HS2ST1: variants seen among roughly 807,000 people sequenced by gnomAD.
The protein encoded by HS2ST1 is heparan sulfate 2-O-sulfotransferase 1.
A neutral mutation model predicts 42.9 loss-of-function variants in HS2ST1; 18 were observed. The observed-to-expected ratio is 0.42, with a 90% CI of 0.29 to 0.62. HS2ST1 has a LOEUF of 0.62. HS2ST1 is among the 20% of genes least tolerant of loss of function. The pLI is 0.21. For synonymous variants in HS2ST1, 146 were observed against 152.9 expected (o/e 0.95, Z 0.33); for missense variants, 334 against 433.8 (o/e 0.77, Z 2.04).
At chr1:87,045,485 A>C (rs1437179619) in intron 1 of HS2ST1, 2 of 997,338 alleles carry the variant, frequency 2.0e-6, no homozygotes, top group Non-Finnish European at 3.2e-6. Context: ...CACTTTATGG[A>C]CATTCAGCCG....
chr1:87,073,947 A>G (rs995551512), intron 2 of HS2ST1, among the ~76,000 whole-genome samples: 1 of 152,208 alleles, frequency 6.6e-6, no homozygotes, highest in Non-Finnish European at 1.5e-5. Flanking sequence ...TTAGAAAGAT[A>G]TTTGTGATGG....
At position 86,948,283 on chromosome 1, in the gene HS2ST1, G is replaced by A. The variant is rs184294997; in HGVS notation, c.124+33123G>A. Among the ~76,000 whole-genome samples the A allele has an allele frequency of 2.6e-4, 39 of 152,218 alleles. No homozygotes were observed. The East Asian group carries it at 6.6e-3, about 26-fold the overall frequency. ...TGCTGGGGCTTTTTTCATTAGTTAC[G>A]TTTATTTGTATAGAGACTAGGTCTT... is the stretch of plus-strand genomic sequence containing the variant. On this transcript the variant is annotated intron_variant, in intron 1 of 6. Transcript: ENST00000370550.
chr1:87,019,299 G>T (rs932377855), intron 1 of HS2ST1, among the ~76,000 whole-genome samples: 1 of 152,146 alleles, frequency 6.6e-6, no homozygotes, highest in Admixed American at 6.5e-5. Flanking sequence ...AGTTCAAACG[G>T]TATTCCTTAA....
chr1:87,015,765 A>G (rs1649736666), intron 1 of HS2ST1, among the ~76,000 whole-genome samples: 2 of 152,296 alleles, frequency 1.3e-5, no homozygotes, highest in African/African-American at 4.8e-5. Context: ...TTTCTACCAT[A>G]GAATTGAAAA....
In HS2ST1 at chr1:87,097,690, CTG is replaced by C. The variant is rs1410899135; in HGVS notation, c.589-145_589-144del. On this transcript the variant is annotated intron_variant, in intron 4 of 6. Transcript: ENST00000370550. ...TAAAGGTGTGAGCCACCGTGCCCAA[CTG>C]TGATTAATTTACATGACTCCAAAAA... 3.4e-5 allele frequency: 30 copies of C among 870,426 alleles called. No homozygotes were observed. The East Asian group carries it at 8.1e-4, about 24-fold the overall frequency. 53.9% of individuals were successfully genotyped at this position (870,426 alleles called of 1,614,324 possible).
rs1194655864 is a variant in HS2ST1 at position 86,960,230 on chromosome 1, A to AG, written c.124+45070_124+45071insG. On this transcript the variant is annotated intron_variant, in intron 1 of 6. Transcript: ENST00000370550. ...ATCTCATTCCCCTCCACGCCACCAAAAAAAAAAAAAAAAAGAATCTTGACA... is the reference window on the plus strand; with the variant it reads ...ATCTCATTCCCCTCCACGCCACCAAAGAAAAAAAAAAAAAAGAATCTTGACA... 6.1e-4 allele frequency among the ~76,000 whole-genome samples: 92 copies of AG among 149,926 alleles called. 1 individual carries two copies. The highest frequency in any genetic ancestry group is 1.9e-3 in the Admixed American group (29 of 15,018).
intron 1 of HS2ST1, among the ~76,000 whole-genome samples, chr1:87,036,309 A>G (rs1373471826): frequency 2.0e-5 from 3 of 152,220 alleles, no homozygotes; most frequent in Non-Finnish European, 4.4e-5. Context: ...TCCGTTGGGT[A>G]TATACCCAGT....
intron 1 of HS2ST1, among the ~76,000 whole-genome samples, chr1:86,943,347 C>A (rs940522054): frequency 2.6e-5 from 4 of 152,128 alleles, no homozygotes; most frequent in Non-Finnish European, 5.9e-5. Flanking sequence ...TCTTAACCAG[C>A]GTCTAGGCAA....
At chr1:86,993,309 G>A (rs562227184) in intron 1 of HS2ST1, among the ~76,000 whole-genome samples, 21 of 152,140 alleles carry the variant, frequency 1.4e-4, no homozygotes, top group African/African-American at 5.1e-4. Context: ...TGTTTATCTA[G>A]TGCTTTGATC....
In HS2ST1 at chr1:86,919,355, C is replaced by A. The variant is rs866844985; in HGVS notation, c.124+4195C>A. On this transcript the variant is annotated intron_variant, in intron 1 of 6. Coordinates refer to ENST00000370550, the MANE Select transcript of HS2ST1 (RefSeq NM_012262.4). The stretch of plus-strand genomic sequence containing the variant: ...GTTAAATCTATCAATTTAGGGAAGT[C>A]GTTTTCATATTTTGCTTAGGAAGAC... 1.5e-4 allele frequency among the ~76,000 whole-genome samples: 23 copies of A among 152,166 alleles called. No homozygotes were observed. In the South Asian group the frequency reaches 1.7e-3, roughly 11 times the overall value.
chr1:86,977,282 C>T (rs953135536), intron 1 of HS2ST1, among the ~76,000 whole-genome samples: 8 of 152,074 alleles, frequency 5.3e-5, no homozygotes, highest in Non-Finnish European at 7.4e-5. Flanking sequence ...GTAGTCAAAG[C>T]CACACAAATT....
At chr1:86,984,195 T>C (rs1648691111) in intron 1 of HS2ST1, among the ~76,000 whole-genome samples, 1 of 152,170 alleles carries the variant, frequency 6.6e-6, no homozygotes, top group Non-Finnish European at 1.5e-5. Flanking sequence ...AGTTAATTTT[T>C]CCAAAGTCAC....
chr1:86,971,921 C>T (rs1648245324), intron 1 of HS2ST1, among the ~76,000 whole-genome samples: 1 of 152,140 alleles, frequency 6.6e-6, no homozygotes, highest in African/African-American at 2.4e-5. Context: ...TTTGAACTAG[C>T]TCTTTCAATA....
At chr1:87,007,814 C>T (rs1050328838) in intron 1 of HS2ST1, among the ~76,000 whole-genome samples, 10 of 152,120 alleles carry the variant, frequency 6.6e-5, no homozygotes, top group Admixed American at 1.3e-4. Flanking sequence ...GCATCAAATT[C>T]TCCTTGAAGT....
At chr1:86,979,491 C>T (rs1258430345) in intron 1 of HS2ST1, among the ~76,000 whole-genome samples, 1 of 152,140 alleles carries the variant, frequency 6.6e-6, no homozygotes, top group African/African-American at 2.4e-5. Context: ...TCTTTTTTCA[C>T]TCAACATAAT....
intron 1 of HS2ST1, among the ~76,000 whole-genome samples, chr1:86,985,531 CAT>C (rs1482782914): frequency 3.0e-4 from 11 of 36,554 alleles, no homozygotes; most frequent in South Asian, 1.8e-3. Context: ...CATATATATA[CAT>C]ATATATACAC....
intron 1 of HS2ST1, among the ~76,000 whole-genome samples, chr1:87,001,587 T>C (rs557803353): frequency 6.6e-6 from 1 of 152,342 alleles, no homozygotes; most frequent in East Asian, 1.9e-4. Flanking sequence ...AAAAGACTGT[T>C]TATGAAAAGT....
chr1:87,068,327 A>G (rs1015856224), intron 1 of HS2ST1, among the ~76,000 whole-genome samples: 9 of 152,126 alleles, frequency 5.9e-5, no homozygotes, highest in Admixed American at 2.6e-4. Flanking sequence ...CTTTGTAGCA[A>G]TTGTGAATGG....
At chr1:87,019,477 A>T (rs1408368507) in intron 1 of HS2ST1, among the ~76,000 whole-genome samples, 1 of 152,218 alleles carries the variant, frequency 6.6e-6, no homozygotes, top group Non-Finnish European at 1.5e-5. Flanking sequence ...AAATTTGTGA[A>T]ATATCTTTTT....
Sources: allele counts gnomAD v4.1 joint callset (sites outside exome capture counted in the v4.1 genomes callset), GRCh38; gene constraint gnomAD v4.1.1; transcripts MANE v1.5; gene names NCBI Gene and HGNC (gene_info 2026-07-23, HGNC 2026-07-21).